Variants in FAT3 observed in about 807,000 individuals in gnomAD.
FAT3 encodes protocadherin Fat 3.
Under a neutral mutation model 310.2 loss-of-function variants are expected in FAT3, and 95 were observed. The observed-to-expected ratio is 0.31, with a 90% CI of 0.26 to 0.36. The LOEUF is 0.36. Ranked by LOEUF, FAT3 falls within the 10% of genes least tolerant of loss-of-function variation. The pLI, the probability that FAT3 is intolerant of heterozygous loss-of-function variation, is 1.00. For missense variants in FAT3, 5,408 were observed against 5,715.6 expected (o/e 0.95, Z 1.74); for synonymous variants, 2,314 against 2,192.9 (o/e 1.06, Z -1.54).
chr11:92,612,313 T>C (rs975846600), intron 3 of FAT3, among the ~76,000 whole-genome samples: 2 of 152,082 alleles, frequency 1.3e-5, no homozygotes, highest in Non-Finnish European at 2.9e-5. Context: ...TCAGGGCCCA[T>C]GCCCAATAAT....
In FAT3 at chr11:92,807,368, AT is replaced by A. The variant is rs1462226357; in HGVS notation, c.9247+854del. Among the ~76,000 whole-genome samples, 9 of 152,152 alleles carry A rather than the reference AT, an allele frequency of 5.9e-5. No homozygotes were observed. The East Asian group carries it at 1.7e-3, about 29-fold the overall frequency. On this transcript the variant is annotated intron_variant, in intron 12 of 27. Transcript: ENST00000525166. ...GTACCCCAAGAATATGATGCTCAGT[AT>A]CTTGGGCTCTAAGAAATTGTAGGGA... is the stretch of plus-strand genomic sequence containing the variant.
intron 2 of FAT3, among the ~76,000 whole-genome samples, chr11:92,501,418 G>GA (rs1414095031): frequency 6.6e-6 from 1 of 152,056 alleles, no homozygotes; most frequent in Non-Finnish European, 1.5e-5. Context: ...ATACTACTGG[G>GA]AAATCATGTT....
At chr11:92,738,350 C>T (rs1945410281) in intron 4 of FAT3, among the ~76,000 whole-genome samples, 1 of 152,134 alleles carries the variant, frequency 6.6e-6, no homozygotes, top group Non-Finnish European at 1.5e-5. Context: ...TAAAATGGTA[C>T]CAAAACATTG....
chr11:92,744,125 G>A (rs919708688), intron 4 of FAT3, among the ~76,000 whole-genome samples: 4 of 152,164 alleles, frequency 2.6e-5, no homozygotes, highest in Non-Finnish European at 5.9e-5. Flanking sequence ...ATGAGATGTT[G>A]GGAGGAACAA....
intron 3 of FAT3, among the ~76,000 whole-genome samples, chr11:92,556,835 C>T (rs991547971): frequency 3.3e-5 from 5 of 152,004 alleles, no homozygotes; most frequent in African/African-American, 1.2e-4. Flanking sequence ...CCATGATTGC[C>T]CAATTACAAC....
At chr11:92,747,862 T>C (rs757687371) in intron 4 of FAT3, among the ~76,000 whole-genome samples, 33 of 152,194 alleles carry the variant, frequency 2.2e-4, no homozygotes, top group Non-Finnish European at 2.9e-4. Flanking sequence ...GCCTGGACTT[T>C]ATTGTCCATA....
At chr11:92,768,783 A>G (rs1946386434) in intron 6 of FAT3, among the ~76,000 whole-genome samples, 1 of 152,218 alleles carries the variant, frequency 6.6e-6, no homozygotes, top group African/African-American at 2.4e-5. Flanking sequence ...GGTCTCAGAT[A>G]TAAGTATGGG....
chr11:92,829,206 G>C (rs1948176523), intron 13 of FAT3, among the ~76,000 whole-genome samples: 1 of 152,200 alleles, frequency 6.6e-6, no homozygotes, highest in African/African-American at 2.4e-5. Context: ...AAAAATGCTG[G>C]TTGCACCAGG....
intron 19 of FAT3, 24 bp from the exon 20 acceptor site, chr11:92,857,189 CA>C: frequency 6.2e-7 from 1 of 1,613,794 alleles, no homozygotes; most frequent in Non-Finnish European, 8.5e-7. Flanking sequence ...GTGTACTGAT[CA>C]TGCATATTCC....
intron 2 of FAT3, among the ~76,000 whole-genome samples, chr11:92,402,880 C>T (rs1387741705): frequency 2.7e-5 from 4 of 149,482 alleles, no homozygotes; most frequent in Non-Finnish European, 5.9e-5. Context: ...AACCCCATAG[C>T]TAGACATGTC....
intron 2 of FAT3, among the ~76,000 whole-genome samples, chr11:92,490,101 G>A (rs2135232555): frequency 6.6e-6 from 1 of 151,988 alleles, no homozygotes; most frequent in Middle Eastern, 3.4e-3. Flanking sequence ...CATCTGATTT[G>A]GGTTGAAAAT....
chr11:92,692,607 A>G (rs762342927), intron 3 of FAT3, among the ~76,000 whole-genome samples: 9 of 152,216 alleles, frequency 5.9e-5, no homozygotes, highest in Non-Finnish European at 1.0e-4. Flanking sequence ...ATTACATGCA[A>G]CATGCCAGGT....
At chr11:92,510,213 C>T in intron 2 of FAT3, among the ~76,000 whole-genome samples, 1 of 152,136 alleles carries the variant, frequency 6.6e-6, no homozygotes, top group East Asian at 1.9e-4. Flanking sequence ...CATGTTACAA[C>T]CTCCACGTTT....
At chr11:92,610,918 A>G (rs770899134) in intron 3 of FAT3, among the ~76,000 whole-genome samples, 40 of 152,038 alleles carry the variant, frequency 2.6e-4, no homozygotes, top group Non-Finnish European at 5.7e-4. Flanking sequence ...TTTTGTCTGA[A>G]CCCATTTAGT....
chr11:92,814,646 A>G (rs951061022), intron 13 of FAT3, among the ~76,000 whole-genome samples: 1 of 152,206 alleles, frequency 6.6e-6, no homozygotes, highest in African/African-American at 2.4e-5. Flanking sequence ...GTTAAAGGGA[A>G]CACACATACC....
chr11:92,466,846 C>T (rs1411189393), intron 2 of FAT3, among the ~76,000 whole-genome samples: 1 of 148,484 alleles, frequency 6.7e-6, no homozygotes, highest in African/African-American at 2.5e-5. Context: ...GGTTTTTTGT[C>T]TTTGCTATAG....
rs776896055 is a variant in FAT3 at position 92,355,129 on chromosome 11, A to G, written c.3017A>G (p.Tyr1006Cys). ...KELDYEKQQF[Y>C]NLTVRAKDKG... ...CTTGATTATGAGAAACAGCAGTTCTATAACCTTACTGTGCGGGCCAAAGAC... is the reference window on the plus strand; with the variant it reads ...CTTGATTATGAGAAACAGCAGTTCTGTAACCTTACTGTGCGGGCCAAAGAC... Residue 1006 changes from tyrosine to cysteine, a missense_variant, in exon 2 of 28, where the codon TAT becomes TGT. Coordinates refer to ENST00000525166, the MANE Select transcript of FAT3 (RefSeq NM_001367949.2). 15 of 1,613,818 alleles carry G rather than the reference A, an allele frequency of 9.3e-6. No homozygotes were observed. Among genetic ancestry groups the G allele is most frequent in the South Asian group, 4.4e-5 (4 of 91,076 alleles).
At chr11:92,405,963 C>G (rs1193144945) in intron 2 of FAT3, among the ~76,000 whole-genome samples, 1 of 152,174 alleles carries the variant, frequency 6.6e-6, no homozygotes. Flanking sequence ...CCCCCAACTT[C>G]CTAGTTAAAA....
At chr11:92,394,146 T>C (rs1949807616) in intron 2 of FAT3, among the ~76,000 whole-genome samples, 2 of 152,122 alleles carry the variant, frequency 1.3e-5, no homozygotes, top group South Asian at 4.1e-4. Context: ...GGCACTATAG[T>C]GTGGTTAAGT....
Sources: gnomAD v4.1 joint callset for allele counts (sites outside exome capture counted in the v4.1 genomes callset) on GRCh38, gnomAD v4.1.1 for gene constraint, MANE v1.5 for transcripts, NCBI Gene and HGNC (gene_info 2026-07-23, HGNC 2026-07-21) for gene names.